ATP12A: variants seen among roughly 807,000 people sequenced by gnomAD.
The protein encoded by ATP12A is ATPase H+/K+ transporting non-gastric alpha2 subunit.
In ATP12A, 81 loss-of-function variants were observed where a neutral mutation model predicts 111.2. That is an observed-to-expected ratio of 0.73 (90% confidence interval 0.61 to 0.88). ATP12A has a LOEUF of 0.88. Ranked by LOEUF, ATP12A falls within the 40% of genes least tolerant of loss-of-function variation. The pLI is 0.00. For synonymous variants in ATP12A, 498 were observed against 499.8 expected, an observed-to-expected ratio of 1.00 and a Z score of 0.05; for missense variants, 1,196 against 1,313.1, an observed-to-expected ratio of 0.91 and a Z score of 1.38.
At chr13:24,710,633 T>C (rs755279192) in intron 20 of ATP12A, 40 bp downstream of exon 20, 1 of 1,613,410 alleles carries the variant, frequency 6.2e-7, no homozygotes, top group Non-Finnish European at 8.5e-7. Flanking sequence ...GCCCTGGGCC[T>C]GCCGTGCAAG....
intron 8 of ATP12A, 110 bp from the exon 9 acceptor site, chr13:24,692,318 AG>A: frequency 8.5e-7 from 1 of 1,181,228 alleles, no homozygotes; most frequent in Non-Finnish European, 1.2e-6. Context: ...CCCTAAAACT[AG>A]TCCAGCTCTC....
At chr13:24,688,038 G>A (rs774090187) in intron 3 of ATP12A, among the ~76,000 whole-genome samples, 2 of 152,134 alleles carry the variant, frequency 1.3e-5, no homozygotes, top group Non-Finnish European at 2.9e-5. Flanking sequence ...TGCGAATGAC[G>A]AGAGGGAGGA....
chr13:24,706,257 T>G, intron 14 of ATP12A, 56 bp from the exon 15 acceptor site: 1 of 1,589,076 alleles, frequency 6.3e-7, no homozygotes, highest in African/African-American at 1.3e-5. Flanking sequence ...CCTGGAACAG[T>G]GTTTCAACCT....
rs1256483387 is a variant in ATP12A at position 24,706,410 on chromosome 13, G to GC, written c.2119dup (p.Arg707ProfsTer29). 2 of 1,614,116 alleles carry GC rather than the reference G, an allele frequency of 1.2e-6. No individual in the cohort carries two copies. Among genetic ancestry groups the GC allele is most frequent in the Non-Finnish European group, 1.7e-6 (2 of 1,180,062 alleles). ...AGCCAACTACCAGGAGATTGTCTTT[G>GC]CCCGGACATCCCCCCAGCAGAAGCT... On this transcript the variant is annotated frameshift_variant, in exon 15 of 23. Transcript: ENST00000381946. LOFTEE classifies it high-confidence loss of function.
At chr13:24,701,078 A>C (rs1046959340) in intron 13 of ATP12A, among the ~76,000 whole-genome samples, 156 bp downstream of exon 13, 7 of 152,200 alleles carry the variant, frequency 4.6e-5, no homozygotes, top group African/African-American at 1.7e-4. Context: ...GGTTACTGAA[A>C]CTGTCCCACA....
chr13:24,691,167 A>G lies in ATP12A; in HGVS notation c.985A>G (p.Lys329Glu). 6.2e-7 allele frequency: 1 copy of G among 1,614,132 alleles called. No individual in the cohort carries two copies. The highest frequency in any genetic ancestry group is 8.5e-7 in the Non-Finnish European group (1 of 1,180,028). The change falls in exon 8 of 23, where the codon AAG becomes GAG. Residue 329 changes from lysine to glutamate, a missense_variant. Lys to Glu is a moderately conservative substitution (Grantham distance 56). This residue lies in a region of ATP12A where 1,126 missense variants were observed against 1,228.5 expected (regional missense o/e 0.92). Coordinates refer to ENST00000381946, the MANE Select transcript of ATP12A (RefSeq NM_001676.7). ...ILFFIIAVSL[K>E]YQVLDSIIFL... is the part of the protein sequence containing the mutation. ...TTTCTTCATCATCGCTGTGTCCCTG[A>G]AGTATCAAGTCCTGGACTCCATCAT...
rs41288276 is a variant in ATP12A at position 24,681,567 on chromosome 13, C to A, written c.15C>A (p.Thr5=). The A allele has an allele frequency of 0.047, 76,109 of 1,609,376 alleles. 2,033 individuals are homozygous for A. Among genetic ancestry groups the A allele is most frequent in the African/African-American group, 0.1 (7,508 of 74,450 alleles). ...CACCTGGGCTTCTCTTTCAGAAAAC[C>A]CCAGAAATTTACTCCGTGGAGCTCA... is the stretch of plus-strand genomic sequence containing the variant. The part of the protein sequence containing the change: MHQK[T]PEIYSVELSG... Residue 5 remains threonine (T), a synonymous_variant, in exon 2 of 23, where the codon ACC becomes ACA. Coordinates refer to ENST00000381946, the MANE Select transcript of ATP12A (RefSeq NM_001676.7).
chr13:24,709,512 A>G, intron 18 of ATP12A, 25 bp downstream of exon 18: 1 of 1,610,364 alleles, frequency 6.2e-7, no homozygotes, highest in Non-Finnish European at 8.5e-7. Flanking sequence ...CGTCTTCCCC[A>G]TCACACGAGG....
At chr13:24,691,303 G>C in intron 8 of ATP12A, 53 bp downstream of exon 8, 3 of 1,548,282 alleles carry the variant, frequency 1.9e-6, no homozygotes, top group Non-Finnish European at 2.6e-6. Context: ...CACAGCACTG[G>C]TGCTGGGGAG....
chr13:24,692,804 AGCTCTAG>A lies in ATP12A; in HGVS notation c.1287_1293del (p.Ser429ArgfsTer9). The A allele has an allele frequency of 6.2e-7, 1 of 1,614,218 alleles. No individual in the cohort carries two copies. The highest frequency in any genetic ancestry group is 8.5e-7 in the Non-Finnish European group (1 of 1,180,034). ...TCTTCCAGACCAAGTCTTTGACCAA[AGCTCTAG>A]GACTTGGGCCTCCTTATCCAAGATA... On this transcript the variant is annotated frameshift_variant, in exon 10 of 23. Transcript: ENST00000381946. LOFTEE classifies it high-confidence loss of function.
intron 2 of ATP12A, among the ~76,000 whole-genome samples, chr13:24,681,926 T>C (rs1874453847): frequency 1.5e-5 from 2 of 134,154 alleles, no homozygotes; most frequent in African/African-American, 2.8e-5. Context: ...GTGTGGTGTG[T>C]CTGTGTAGTG....
intron 11 of ATP12A, among the ~76,000 whole-genome samples, chr13:24,695,594 A>G (rs1047899885): frequency 1.3e-4 from 19 of 145,560 alleles, no homozygotes; most frequent in African/African-American, 4.8e-4. Context: ...GGGTTAGGGA[A>G]GAACTCTTTT....
At chr13:24,705,705 T>G (rs1017535670) in intron 14 of ATP12A, among the ~76,000 whole-genome samples, 1 of 152,194 alleles carries the variant, frequency 6.6e-6, no homozygotes, top group African/African-American at 2.4e-5. Flanking sequence ...GGTCTCACTT[T>G]GTCACCCAGG....
In ATP12A at chr13:24,709,600, G is replaced by A. The variant is rs1566078727; in HGVS notation, c.2618-83G>A. The A allele has an allele frequency of 2.5e-6, 4 of 1,593,044 alleles. No homozygotes were observed. In the Admixed American group the frequency reaches 6.7e-5, roughly 27 times the overall value. ...TCCTGTGGGGCCTGGGTTGGGGAGGGAGGGGGAACCGAGAGTAGACAGGAT... is the reference window on the plus strand; with the variant it reads ...TCCTGTGGGGCCTGGGTTGGGGAGGAAGGGGGAACCGAGAGTAGACAGGAT... On this transcript the variant is annotated intron_variant, in intron 18 of 22. Transcript: ENST00000381946.
In ATP12A at chr13:24,689,247, C is replaced by T; in HGVS notation, c.433-15C>T. ...ACTGCTGGTTTCTCTGACTGACGCCCTCCTTCTCACCCAGGTGTACTTGGG... is the reference window on the plus strand; with the variant it reads ...ACTGCTGGTTTCTCTGACTGACGCCTTCCTTCTCACCCAGGTGTACTTGGG... On this transcript the variant is annotated splice_polypyrimidine_tract_variant and intron_variant, in intron 4 of 22. Transcript: ENST00000381946. The T allele has an allele frequency of 6.2e-7, 1 of 1,611,720 alleles. No homozygotes were observed. The highest frequency in any genetic ancestry group is 8.5e-7 in the Non-Finnish European group (1 of 1,177,860).
intron 7 of ATP12A, 95 bp from the exon 8 acceptor site, chr13:24,690,887 T>G (rs1338444533): frequency 3.9e-6 from 6 of 1,531,220 alleles, no homozygotes; most frequent in Non-Finnish European, 5.4e-6. Context: ...GTGGTGTGCC[T>G]ATCGATTGTG....
rs1409424618 is a variant in ATP12A at position 24,700,882 on chromosome 13, T to C, written c.1841T>C (p.Val614Ala). The stretch of plus-strand genomic sequence containing the variant: ...ATGATCGATCCCCCTCGGTCCACCG[T>C]GCCAGATGCAGTCACCAAATGCCGG... ...LSMIDPPRSTVPDAVTKCRSA... is the reference protein window; with the variant it reads ...LSMIDPPRSTAPDAVTKCRSA... The change falls in exon 13 of 23, where the codon GTG becomes GCG. Residue 614 changes from valine (V) to alanine (A), a missense_variant. This residue lies in a region of ATP12A where 1,126 missense variants were observed against 1,228.5 expected (regional missense o/e 0.92). Coordinates refer to ENST00000381946, the MANE Select transcript of ATP12A (RefSeq NM_001676.7). 2 of 1,614,198 alleles carry C rather than the reference T, an allele frequency of 1.2e-6. No individual in the cohort carries two copies. Among genetic ancestry groups the C allele is most frequent in the Non-Finnish European group, 1.7e-6 (2 of 1,180,026 alleles).
intron 14 of ATP12A, among the ~76,000 whole-genome samples, chr13:24,705,430 T>A (rs1035145338): frequency 1.3e-5 from 2 of 152,166 alleles, no homozygotes; most frequent in Non-Finnish European, 2.9e-5. Context: ...CTGAAGAGTT[T>A]TAGCAGGGGA....
At chr13:24,703,054 G>A (rs2137714837) in intron 14 of ATP12A, among the ~76,000 whole-genome samples, 1 of 152,326 alleles carries the variant, frequency 6.6e-6, no homozygotes, top group South Asian at 2.1e-4. Flanking sequence ...TACCACGTTA[G>A]ACAACCAACC....
Sources: allele counts gnomAD v4.1 joint callset (sites outside exome capture counted in the v4.1 genomes callset), GRCh38; gene constraint gnomAD v4.1.1; regional missense constraint gnomAD v4.1.1; transcripts MANE v1.5; gene names NCBI Gene and HGNC (gene_info 2026-07-23, HGNC 2026-07-21).